NOTCH2NLC: variants seen among roughly 807,000 people sequenced by gnomAD.
The protein encoded by NOTCH2NLC is notch 2 N-terminal like C, also known as notch homolog 2 N-terminal-like protein C.
A neutral mutation model predicts 17.7 loss-of-function variants in NOTCH2NLC; 4 were observed. That is an observed-to-expected ratio of 0.23 (90% CI 0.11 to 0.52). NOTCH2NLC has a LOEUF of 0.52. Among genes scored for constraint, NOTCH2NLC ranks in the 20% least tolerant of loss-of-function variants. The pLI is 0.96. For missense variants in NOTCH2NLC, 57 were observed against 207.2 expected (o/e 0.28, Z 4.45); for synonymous variants, 18 against 86.0 (o/e 0.21, Z 4.38).
intron 2 of NOTCH2NLC, among the ~76,000 whole-genome samples, chr1:149,439,017 G>A (rs2084500015): frequency 6.9e-6 from 1 of 144,516 alleles, no homozygotes. Flanking sequence ...TGCCTGGCCA[G>A]TTAGTAGCTT....
At chr1:149,435,865 T>A (rs2084479483) in intron 2 of NOTCH2NLC, among the ~76,000 whole-genome samples, 1 of 147,220 alleles carries the variant, frequency 6.8e-6, no homozygotes. Flanking sequence ...ACTCTTCCTC[T>A]TCTGCTGCAT....
intron 2 of NOTCH2NLC, among the ~76,000 whole-genome samples, chr1:149,450,063 A>C (rs2101503889): frequency 7.0e-6 from 1 of 142,134 alleles, no homozygotes; most frequent in East Asian, 2.1e-4. Flanking sequence ...TCTACTTTTT[A>C]GCTATTATGA....
rs1286591999 is a variant in NOTCH2NLC, at chr1:149,424,539, T to G, written c.136-6403T>G. ...CTGACAGTAGTTTCTTGACAAATAT[T>G]AGTGGAACTGTATTAAAATTGAGTT... On this transcript the variant is annotated intron_variant, in intron 1 of 4. Coordinates refer to ENST00000650865, the MANE Select transcript of NOTCH2NLC (RefSeq NM_001364013.2). Among the ~76,000 whole-genome samples, 6 of 150,984 alleles carry G rather than the reference T, an allele frequency of 4.0e-5. No homozygotes were observed. In the East Asian group the frequency reaches 9.8e-4, roughly 25 times the overall value.
intron 1 of NOTCH2NLC, among the ~76,000 whole-genome samples, chr1:149,429,382 T>A (rs2084431384): frequency 6.7e-6 from 1 of 149,424 alleles, no homozygotes; most frequent in Non-Finnish European, 1.5e-5. Context: ...AAGGGCAGAG[T>A]CTCTGGATTC....
At chr1:149,429,255 C>T (rs1284780453) in intron 1 of NOTCH2NLC, among the ~76,000 whole-genome samples, 1 of 150,742 alleles carries the variant, frequency 6.6e-6, no homozygotes, top group Non-Finnish European at 1.5e-5. Flanking sequence ...GTGCGATGCC[C>T]CATAAAGAGG....
intron 1 of NOTCH2NLC, among the ~76,000 whole-genome samples, chr1:149,418,839 G>A (rs1299313593): frequency 6.8e-6 from 1 of 147,410 alleles, no homozygotes; most frequent in African/African-American, 2.5e-5. Context: ...CTGTCTTCTG[G>A]TGGAATTCCC....
rs1412764112 is a variant in NOTCH2NLC at position 149,417,402 on chromosome 1, C to G, written c.136-13540C>G. Among the ~76,000 whole-genome samples the G allele has an allele frequency of 2.0e-5, 3 of 151,174 alleles. No homozygotes were observed. The South Asian group carries it at 6.3e-4, about 32-fold the overall frequency. ...GGATTACAGGCGTGAGCCACCGCGC[C>G]CGGCCGGATATCAGGTTTTTCTAAC... On this transcript the variant is annotated intron_variant, in intron 1 of 4. Coordinates refer to ENST00000650865, the MANE Select transcript of NOTCH2NLC (RefSeq NM_001364013.2).
intron 2 of NOTCH2NLC, among the ~76,000 whole-genome samples, chr1:149,454,817 T>A (rs1466583981): frequency 6.7e-6 from 1 of 149,308 alleles, no homozygotes; most frequent in Non-Finnish European, 1.5e-5. Context: ...TTCTCAATGC[T>A]TAATTGAGGA....
At chr1:149,450,129 G>A (rs1236039351) in intron 2 of NOTCH2NLC, among the ~76,000 whole-genome samples, 3 of 145,370 alleles carry the variant, frequency 2.1e-5, no homozygotes, top group Admixed American at 6.9e-5. Flanking sequence ...GTTATCTCGG[G>A]TATATACCTA....
intron 1 of NOTCH2NLC, among the ~76,000 whole-genome samples, chr1:149,396,517 GAT>G (rs1300910049): frequency 6.7e-6 from 1 of 149,326 alleles, no homozygotes; most frequent in African/African-American, 2.5e-5. Flanking sequence ...CTGTGCAGGT[GAT>G]AGGGACCCAA....
At chr1:149,420,010 G>T (rs2084370355) in intron 1 of NOTCH2NLC, among the ~76,000 whole-genome samples, 1 of 144,500 alleles carries the variant, frequency 6.9e-6, no homozygotes, top group Non-Finnish European at 1.5e-5. Context: ...GGGACTACAG[G>T]CACCCGCCAC....
At position 149,464,935 on chromosome 1, in the gene NOTCH2NLC, G is replaced by A. The variant is rs1222641481; in HGVS notation, c.*782G>A. The A allele has an allele frequency of 2.7e-5, 4 of 146,634 alleles. No homozygotes were observed. Among genetic ancestry groups the A allele is most frequent in the African/African-American group, 1.0e-4 (4 of 39,996 alleles). The allele number at this position is 146,634 out of a possible 1,614,324, so 9.1% of individuals were successfully genotyped here. On this transcript the variant is annotated 3_prime_UTR_variant, in exon 5 of 5. Transcript: ENST00000650865. ...TATTTTGGAGGAATTAAAGGTCATA[G>A]TTTGGTCCTCAGTATAAAATCAACT... is the stretch of plus-strand genomic sequence containing the variant.
At position 149,464,720 on chromosome 1, in the gene NOTCH2NLC, G is replaced by A. The variant is rs1191764158; in HGVS notation, c.*567G>A. 3 of 150,230 alleles carry A rather than the reference G, an allele frequency of 2.0e-5. No individual in the cohort carries two copies. Among genetic ancestry groups the A allele is most frequent in the African/African-American group, 7.4e-5 (3 of 40,772 alleles). 9.3% of individuals were successfully genotyped at this position (150,230 alleles called of 1,614,324 possible). A position where few individuals can be genotyped will look rare whatever the true frequency, so the allele number is the denominator to read the frequency against. On this transcript the variant is annotated 3_prime_UTR_variant, in exon 5 of 5. Coordinates refer to ENST00000650865, the MANE Select transcript of NOTCH2NLC (RefSeq NM_001364013.2). ...GCAGCTGAAGCAGATGAATTACTAA[G>A]CAACAAAGATCCTGTTTTTATACAA...
intron 1 of NOTCH2NLC, among the ~76,000 whole-genome samples, chr1:149,429,773 C>A (rs1296703938): frequency 6.6e-6 from 1 of 150,872 alleles, no homozygotes; most frequent in Non-Finnish European, 1.5e-5. Flanking sequence ...CCAGGCCTAG[C>A]GTCTCTGATC....
At chr1:149,395,094 A>G (rs1174563556) in intron 1 of NOTCH2NLC, among the ~76,000 whole-genome samples, 2 of 150,984 alleles carry the variant, frequency 1.3e-5, no homozygotes, top group African/African-American at 4.9e-5. Context: ...CATTGCTTCC[A>G]TCTCATGTAC....
chr1:149,419,607 A>C (rs1428757843), intron 1 of NOTCH2NLC, among the ~76,000 whole-genome samples: 3 of 148,946 alleles, frequency 2.0e-5, no homozygotes, highest in African/African-American at 7.4e-5. Flanking sequence ...TTGCATTTAC[A>C]ATAAAGAAAG....
chr1:149,419,850 TATATA>T (rs2084368921), intron 1 of NOTCH2NLC, among the ~76,000 whole-genome samples: 2 of 122,406 alleles, frequency 1.6e-5, no homozygotes, highest in Non-Finnish European at 3.4e-5. Context: ...AATATATATA[TATATA>T]TTTTTTTTTT....
chr1:149,420,034 T>A (rs1447382450), intron 1 of NOTCH2NLC, among the ~76,000 whole-genome samples: 3 of 141,592 alleles, frequency 2.1e-5, no homozygotes, highest in African/African-American at 7.7e-5. Flanking sequence ...GCCCAGCTAA[T>A]TTTTTTTTTG....
intron 3 of NOTCH2NLC, among the ~76,000 whole-genome samples, chr1:149,460,913 T>TTCTTTC (rs2084645506): frequency 8.7e-6 from 1 of 114,380 alleles, no homozygotes; most frequent in Admixed American, 9.4e-5. Flanking sequence ...CTTTCTTTCT[T>TTCTTTC]TCTCTCTCTT....
Sources: allele counts gnomAD v4.1 joint callset (sites outside exome capture counted in the v4.1 genomes callset), GRCh38; gene constraint gnomAD v4.1.1; transcripts MANE v1.5; gene names NCBI Gene and HGNC (gene_info 2026-07-23, HGNC 2026-07-21).